The following BFSP2 variants were observed in gnomAD, a reference collection of about 807,000 sequenced individuals.
The protein encoded by BFSP2 is phakinin.
In BFSP2, 38 loss-of-function variants were observed where a neutral mutation model predicts 44.9. The ratio of observed to expected loss-of-function variants is 0.85; its 90% CI spans 0.65 to 1.11. The LOEUF (loss-of-function observed/expected upper bound fraction) is 1.11, where lower values mean the gene tolerates loss of function less well. Ranked by LOEUF, BFSP2 falls within the 50% of genes least tolerant of loss-of-function variation. The pLI is 0.00. For synonymous variants in BFSP2, 197 were observed against 209.9 expected (o/e 0.94, Z 0.53); for missense variants, 525 against 533.0 (o/e 0.99, Z 0.15).
Position 133,475,161 on chromosome 3 carries a change from C to G in BFSP2, c.*189C>G. 1 of 772,648 alleles carries G rather than the reference C, an allele frequency of 1.3e-6. No homozygotes were observed. Among genetic ancestry groups the G allele is most frequent in the Non-Finnish European group, 2.2e-6 (1 of 462,526 alleles). 47.9% of individuals were successfully genotyped at this position (772,648 alleles called of 1,614,324 possible). A position where few individuals can be genotyped will look rare whatever the true frequency, so the allele number is the denominator to read the frequency against. On this transcript the variant is annotated 3_prime_UTR_variant, in exon 7 of 7. Transcript: ENST00000302334. ...TAATCTGAGTAGTCTGTAGCTTGAG[C>G]AATCTCCCTTGTCCTCCTTCAAATA...
At chr3:133,445,548 T>G (rs1013930275) in intron 1 of BFSP2, 1 of 152,218 alleles carries the variant, frequency 6.6e-6, no homozygotes, top group African/African-American at 2.4e-5. Flanking sequence ...TTCACATCCA[T>G]GGGTTCCACA....
intron 1 of BFSP2, among the ~76,000 whole-genome samples, chr3:133,424,876 C>T (rs1478366339): frequency 6.6e-6 from 1 of 152,184 alleles, no homozygotes; most frequent in Non-Finnish European, 1.5e-5. Context: ...CTCAGGTGAT[C>T]CGCTAGGCTC....
intron 1 of BFSP2, among the ~76,000 whole-genome samples, chr3:133,425,557 C>A (rs903557084): frequency 6.6e-6 from 1 of 152,150 alleles, no homozygotes; most frequent in Non-Finnish European, 1.5e-5. Context: ...CGTTTTAAGC[C>A]ACAAAACAGT....
At chr3:133,427,762 T>C (rs1208806860) in intron 1 of BFSP2, among the ~76,000 whole-genome samples, 1 of 152,232 alleles carries the variant, frequency 6.6e-6, no homozygotes, top group East Asian at 1.9e-4. Flanking sequence ...GTTTGTTCCC[T>C]TCGTTACATT....
rs145518497 is a variant in BFSP2 at position 133,451,099 on chromosome 3, A to C, written c.891+635A>C. Among the ~76,000 whole-genome samples, 401 of 138,952 alleles carry C rather than the reference A, an allele frequency of 2.9e-3. 4 individuals carry two copies. The highest frequency in any genetic ancestry group is 0.01 in the African/African-American group (378 of 37,382). 91.2% of individuals were successfully genotyped at this position (138,952 alleles called of 152,430 possible). On this transcript the variant is annotated intron_variant, in intron 4 of 6. Transcript: ENST00000302334. ...GCACTCCAGCCTGGGCAACAGAGCA[A>C]GACTCTGTCTCAAAAAAAAAAAAAA...
At chr3:133,452,693 C>G (rs1024753492) in intron 4 of BFSP2, among the ~76,000 whole-genome samples, 1 of 152,190 alleles carries the variant, frequency 6.6e-6, no homozygotes, top group African/African-American at 2.4e-5. Flanking sequence ...TTCAACTCTC[C>G]TGTTCTTGGT....
At chr3:133,427,248 G>A (rs896386635) in intron 1 of BFSP2, among the ~76,000 whole-genome samples, 4 of 152,220 alleles carry the variant, frequency 2.6e-5, no homozygotes, top group Non-Finnish European at 4.4e-5. Context: ...TTAGACCTTC[G>A]TCACCATTGG....
Position 133,472,606 on chromosome 3 carries a change from T to A in BFSP2, c.1244+41T>A, listed in dbSNP as rs376625123. On this transcript the variant is annotated intron_variant, in intron 6 of 6. Coordinates refer to ENST00000302334, the MANE Select transcript of BFSP2 (RefSeq NM_003571.4). ...GCGTCAATTATCCAAGAGATGCATA[T>A]TCATGGCTTTAAAAATAATTATTTT... The A allele has an allele frequency of 8.4e-5, 133 of 1,577,980 alleles. No homozygotes were observed. The African/African-American group carries it at 1.7e-3, about 20-fold the overall frequency.
intron 5 of BFSP2, among the ~76,000 whole-genome samples, chr3:133,468,919 G>A (rs1248216757): frequency 6.6e-6 from 1 of 152,212 alleles, no homozygotes; most frequent in Non-Finnish European, 1.5e-5. Context: ...ATTTGATAAT[G>A]TATGTCAAGC....
intron 1 of BFSP2, among the ~76,000 whole-genome samples, chr3:133,435,806 T>TATC (rs748337021): frequency 2.0e-5 from 3 of 152,236 alleles, no homozygotes; most frequent in Non-Finnish European, 4.4e-5. Context: ...TTAAATGAAT[T>TATC]ATCCATTTGT....
At chr3:133,437,899 T>C (rs1262911045) in intron 1 of BFSP2, among the ~76,000 whole-genome samples, 1 of 152,218 alleles carries the variant, frequency 6.6e-6, no homozygotes, top group Non-Finnish European at 1.5e-5. Flanking sequence ...CAGGGGCACC[T>C]ACATCGTAAT....
chr3:133,454,810 A>C (rs984261437), intron 4 of BFSP2, among the ~76,000 whole-genome samples: 1 of 152,268 alleles, frequency 6.6e-6, no homozygotes. Context: ...AAATGCAAAC[A>C]CGTCATACAG....
chr3:133,465,772 C>T (rs971064673), intron 4 of BFSP2, among the ~76,000 whole-genome samples: 105 of 152,214 alleles, frequency 6.9e-4, no homozygotes, highest in African/African-American at 2.4e-3. Context: ...TCAAGTTTTC[C>T]GAAGGGAAAT....
At chr3:133,431,361 A>G (rs928256972) in intron 1 of BFSP2, among the ~76,000 whole-genome samples, 152 of 152,294 alleles carry the variant, frequency 1.0e-3, no homozygotes, top group African/African-American at 3.2e-3. Context: ...GAACCGCAGC[A>G]GCCAGGCGTT....
At chr3:133,424,888 G>A (rs1351895919) in intron 1 of BFSP2, among the ~76,000 whole-genome samples, 1 of 152,184 alleles carries the variant, frequency 6.6e-6, no homozygotes, top group Non-Finnish European at 1.5e-5. Context: ...GCTAGGCTCA[G>A]CCTCCCAAAG....
At chr3:133,448,003 C>T (rs2073919546) in intron 2 of BFSP2, among the ~76,000 whole-genome samples, 4 of 152,262 alleles carry the variant, frequency 2.6e-5, no homozygotes, top group Non-Finnish European at 5.9e-5. Flanking sequence ...ACCTCCCACT[C>T]AGTCCCTGAA....
intron 4 of BFSP2, among the ~76,000 whole-genome samples, chr3:133,451,542 C>T (rs1350479937): frequency 1.3e-5 from 2 of 152,132 alleles, no homozygotes; most frequent in African/African-American, 4.8e-5. Flanking sequence ...CAAAAATAAG[C>T]GGTGAGATGG....
chr3:133,465,458 G>A (rs139733797), intron 4 of BFSP2, among the ~76,000 whole-genome samples: 245 of 152,300 alleles, frequency 1.6e-3, no homozygotes, highest in African/African-American at 5.3e-3. Flanking sequence ...GCTAGGAGAC[G>A]TTCCATCAGA....
chr3:133,423,589 T>C (rs1019572238), intron 1 of BFSP2, among the ~76,000 whole-genome samples: 3 of 151,436 alleles, frequency 2.0e-5, no homozygotes, highest in African/African-American at 7.3e-5. Flanking sequence ...GGAATGAGCA[T>C]TTGCACAACG....
Sources: gnomAD v4.1 joint callset for allele counts (sites outside exome capture counted in the v4.1 genomes callset) on GRCh38, gnomAD v4.1.1 for gene constraint, MANE v1.5 for transcripts, NCBI Gene and HGNC (gene_info 2026-07-23, HGNC 2026-07-21) for gene names.